The following KCNIP4 variants were observed in gnomAD, a reference collection of about 807,000 sequenced individuals.
KCNIP4 encodes potassium voltage-gated channel interacting protein 4, also known as Kv channel-interacting protein 4.
Under a neutral mutation model 34.0 loss-of-function variants are expected in KCNIP4, and 12 were observed. The observed-to-expected ratio is 0.35, with a 90% CI of 0.23 to 0.57. KCNIP4 has a LOEUF of 0.57. Ranked by LOEUF, KCNIP4 falls within the 20% of genes least tolerant of loss-of-function variation. KCNIP4 has a pLI of 0.83. For synonymous variants in KCNIP4, 124 were observed against 102.2 expected, an observed-to-expected ratio of 1.21 and a Z score of -1.29; for missense variants, 238 against 311.7, an observed-to-expected ratio of 0.76 and a Z score of 1.78.
chr4:21,707,720 A>G (rs989818277), intron 1 of KCNIP4, among the ~76,000 whole-genome samples: 3 of 152,074 alleles, frequency 2.0e-5, no homozygotes, highest in African/African-American at 7.2e-5. Flanking sequence ...GTCCTGTCCA[A>G]TGGAGACATG....
chr4:21,425,772 G>A (rs1295604868), intron 1 of KCNIP4, among the ~76,000 whole-genome samples: 1 of 152,086 alleles, frequency 6.6e-6, no homozygotes, highest in African/African-American at 2.4e-5. Flanking sequence ...AAAAGTGGCC[G>A]GACATGGTGA....
At chr4:21,528,715 GAAA>G in intron 1 of KCNIP4, among the ~76,000 whole-genome samples, 19 of 430 alleles carry the variant, frequency 0.044, no homozygotes, top group South Asian at 0.083. Context: ...AAGAAAGAAA[GAAA>G]GAAAGAAAGA....
intron 1 of KCNIP4, among the ~76,000 whole-genome samples, chr4:21,158,981 A>C (rs954223564): frequency 4.6e-5 from 7 of 152,206 alleles, no homozygotes; most frequent in Non-Finnish European, 7.4e-5. Flanking sequence ...AATATTATTT[A>C]TAATAGCTTC....
chr4:20,885,397 C>T (rs148522838), intron 1 of KCNIP4, among the ~76,000 whole-genome samples: 13 of 151,744 alleles, frequency 8.6e-5, no homozygotes, highest in African/African-American at 2.2e-4. Flanking sequence ...TGAATGGCTT[C>T]GCCCAGACCT....
At chr4:21,739,531 T>A (rs1292778326) in intron 1 of KCNIP4, among the ~76,000 whole-genome samples, 1 of 152,036 alleles carries the variant, frequency 6.6e-6, no homozygotes, top group South Asian at 2.1e-4. Flanking sequence ...CAAAGAAGTA[T>A]CATGAAAACT....
At chr4:21,600,110 C>A (rs1324124514) in intron 1 of KCNIP4, among the ~76,000 whole-genome samples, 3 of 152,062 alleles carry the variant, frequency 2.0e-5, no homozygotes, top group Non-Finnish European at 4.4e-5. Context: ...TAACCAAGTC[C>A]TCCCACTCAG....
intron 1 of KCNIP4, among the ~76,000 whole-genome samples, chr4:21,548,532 A>G (rs577959134): frequency 6.6e-6 from 1 of 152,010 alleles, no homozygotes; most frequent in Admixed American, 6.6e-5. Flanking sequence ...TATGTCTATA[A>G]TGACTGCTGA....
intron 1 of KCNIP4, among the ~76,000 whole-genome samples, chr4:21,670,816 C>T (rs572009778): frequency 5.9e-5 from 9 of 152,080 alleles, no homozygotes; most frequent in East Asian, 1.9e-4. Flanking sequence ...CAACCACGCC[C>T]GGCTTATTTT....
chr4:21,122,399 C>G (rs887164990), intron 1 of KCNIP4, among the ~76,000 whole-genome samples: 2 of 147,612 alleles, frequency 1.4e-5, no homozygotes, highest in South Asian at 4.3e-4. Flanking sequence ...TTGTAGGAAT[C>G]ATTTCTCAAC....
At chr4:21,744,532 T>C (rs1191373598) in intron 1 of KCNIP4, among the ~76,000 whole-genome samples, 1 of 152,190 alleles carries the variant, frequency 6.6e-6, no homozygotes, top group Non-Finnish European at 1.5e-5. Flanking sequence ...TCCCACTTGC[T>C]CAAATATTTA....
chr4:21,225,209 G>A lies in KCNIP4; in HGVS notation c.62-342500C>T, dbSNP rs1376835865. Among the ~76,000 whole-genome samples, 3 of 152,118 alleles carry A rather than the reference G, an allele frequency of 2.0e-5. No individual in the cohort carries two copies. The East Asian group carries it at 5.8e-4, about 29-fold the overall frequency. On this transcript the variant is annotated intron_variant, in intron 1 of 8. Transcript: ENST00000382152. ...CACCTCCAGAGGTTACTGATGCCCT[G>A]ATCCTTTATCCACCTCAGGTATTCA...
chr4:20,979,099 A>C (rs1399779016), intron 1 of KCNIP4, among the ~76,000 whole-genome samples: 2 of 152,194 alleles, frequency 1.3e-5, no homozygotes, highest in Non-Finnish European at 2.9e-5. Flanking sequence ...CCAAAGTTTT[A>C]AGTTCCTTCC....
intron 1 of KCNIP4, among the ~76,000 whole-genome samples, chr4:21,017,919 G>T (rs1001983152): frequency 6.6e-6 from 1 of 152,050 alleles, no homozygotes; most frequent in Non-Finnish European, 1.5e-5. Context: ...TTGTGGTTTT[G>T]ATTTGCATTT....
intron 1 of KCNIP4, chr4:21,762,936 GTGCTCCCACTTCCGAAGTCTCCCTC>G: frequency 1.6e-6 from 2 of 1,288,664 alleles, no homozygotes; most frequent in Non-Finnish European, 2.0e-6. Flanking sequence ...GATCTGACAG[GTGCTCCCACTTCCGAAGTCTCCCTC>G]TGGGACCACT....
At chr4:20,825,044 C>A (rs1400006097) in intron 3 of KCNIP4, among the ~76,000 whole-genome samples, 1 of 152,064 alleles carries the variant, frequency 6.6e-6, no homozygotes, top group Non-Finnish European at 1.5e-5. Context: ...TTACTCTTTA[C>A]AGCATGTTGA....
chr4:21,793,767 G>C (rs1474559429), intron 1 of KCNIP4, among the ~76,000 whole-genome samples: 1 of 151,972 alleles, frequency 6.6e-6, no homozygotes, highest in African/African-American at 2.4e-5. Flanking sequence ...AAAAATACAT[G>C]AAAATATACC....
chr4:20,877,825 A>G (rs920724359), intron 2 of KCNIP4, among the ~76,000 whole-genome samples: 7 of 152,176 alleles, frequency 4.6e-5, no homozygotes, highest in African/African-American at 1.2e-4. Flanking sequence ...TCTTTTGGGT[A>G]TAAGTTTTTG....
intron 1 of KCNIP4, among the ~76,000 whole-genome samples, chr4:21,560,880 T>C (rs1265927986): frequency 1.3e-5 from 2 of 152,074 alleles, no homozygotes; most frequent in African/African-American, 4.8e-5. Flanking sequence ...TTAGGATGTT[T>C]AGATTGGTGC....
intron 1 of KCNIP4, among the ~76,000 whole-genome samples, chr4:21,364,613 A>G (rs1482668815): frequency 6.6e-6 from 1 of 152,132 alleles, no homozygotes; most frequent in African/African-American, 2.4e-5. Context: ...ACTTATTTTA[A>G]TGATACGAAT....
Sources: allele counts gnomAD v4.1 joint callset (sites outside exome capture counted in the v4.1 genomes callset), GRCh38; gene constraint gnomAD v4.1.1; transcripts MANE v1.5; gene names NCBI Gene and HGNC (gene_info 2026-07-23, HGNC 2026-07-21).